Variants in SF3B1 observed in about 807,000 individuals in gnomAD.
The protein encoded by SF3B1 is pre-mRNA processing 10.
Under a neutral mutation model 153.8 loss-of-function variants are expected in SF3B1, and 12 were observed. The observed-to-expected ratio is 0.08, with a 90% confidence interval of 0.05 to 0.13. The LOEUF is 0.13. Ranked by LOEUF, SF3B1 falls within the 10% of genes least tolerant of loss-of-function variation. SF3B1 has a pLI of 1.00. For missense variants in SF3B1, 513 were observed against 1,606.1 expected (o/e 0.32, Z 11.63); for synonymous variants, 498 against 525.2 (o/e 0.95, Z 0.71).
intron 21 of SF3B1, 105 bp from the exon 22 acceptor site, chr2:197,398,221 T>A: frequency 9.9e-7 from 1 of 1,009,640 alleles, no homozygotes; most frequent in Non-Finnish European, 1.5e-6. Flanking sequence ...TTTTAAGCAT[T>A]AAATAAAACT....
intron 9 of SF3B1, 94 bp downstream of exon 9, chr2:197,407,904 T>A: frequency 2.8e-6 from 3 of 1,085,090 alleles, no homozygotes; most frequent in South Asian, 2.9e-5. Flanking sequence ...AATAGTAAAT[T>A]TGGGCAAAGC....
chr2:197,427,836 T>C (rs766812232), intron 1 of SF3B1, among the ~76,000 whole-genome samples: 6 of 151,942 alleles, frequency 3.9e-5, no homozygotes, highest in Non-Finnish European at 8.8e-5. Context: ...CTGGCCAAGA[T>C]GGTGAAACCC....
At chr2:197,424,133 C>T (rs1219057445) in intron 1 of SF3B1, among the ~76,000 whole-genome samples, 159 bp from the exon 2 acceptor site, 1 of 152,176 alleles carries the variant, frequency 6.6e-6, no homozygotes, top group Non-Finnish European at 1.5e-5. Context: ...ACAGCGTAAG[C>T]AAGCTCTAGA....
At chr2:197,419,593 GTTGAAC>G (rs2085208350) in intron 4 of SF3B1, 1 of 224,366 alleles carries the variant, frequency 4.5e-6, no homozygotes, top group African/African-American at 2.2e-5. Flanking sequence ...GAGAGGATGT[GTTGAAC>G]TGCACCCTTA....
intron 1 of SF3B1, among the ~76,000 whole-genome samples, chr2:197,429,499 G>C (rs1160906627): frequency 1.3e-5 from 2 of 152,036 alleles, no homozygotes; most frequent in African/African-American, 4.8e-5. Context: ...ATAACACTAA[G>C]GCAGGCCGGC....
At chr2:197,423,780 T>G in intron 2 of SF3B1, 28 bp downstream of exon 2, 1 of 1,603,406 alleles carries the variant, frequency 6.2e-7, no homozygotes, top group Non-Finnish European at 8.5e-7. Context: ...AAAAAATAAC[T>G]GCCTCTTGTA....
chr2:197,435,021 A>C lies in SF3B1; in HGVS notation c.-22T>G. The C allele has an allele frequency of 1.9e-6, 3 of 1,614,252 alleles. No individual in the cohort carries two copies. Among genetic ancestry groups the C allele is most frequent in the Non-Finnish European group, 1.7e-6 (2 of 1,180,040 alleles). On this transcript the variant is annotated 5_prime_UTR_variant, in exon 1 of 25. Transcript: ENST00000335508. ...CCATTTTGTCCACTCGAACACACAGACGGAACTGGCGCTCCCAAGAACTTC... is the reference window on the plus strand; with the variant it reads ...CCATTTTGTCCACTCGAACACACAGCCGGAACTGGCGCTCCCAAGAACTTC...
At chr2:197,397,791 C>T (rs1236762791) in intron 22 of SF3B1, among the ~76,000 whole-genome samples, 194 bp downstream of exon 22, 1 of 147,942 alleles carries the variant, frequency 6.8e-6, no homozygotes, top group Non-Finnish European at 1.5e-5. Context: ...AGCGAGACTC[C>T]GTCTCAAAAA....
rs2084820035 is a variant in SF3B1, at chr2:197,392,463, TA to T, written c.3757-3del. On this transcript the variant is annotated splice_polypyrimidine_tract_variant and splice_region_variant and intron_variant, in intron 24 of 24. Coordinates refer to ENST00000335508, the MANE Select transcript of SF3B1 (RefSeq NM_012433.4). ...TTTCCGGGCTGGGTGAAACAGACCCTAAAATAATTGAACGGTTACATTATTT... is the reference window on the plus strand; with the variant it reads ...TTTCCGGGCTGGGTGAAACAGACCCTAAATAATTGAACGGTTACATTATTT... 2.8e-6 allele frequency: 4 copies of T among 1,452,982 alleles called. No homozygotes were observed. The highest frequency in any genetic ancestry group is 1.9e-5 in the Admixed American group (1 of 53,016). 90.0% of individuals were successfully genotyped at this position (1,452,982 alleles called of 1,614,324 possible). A position where few individuals can be genotyped will look rare whatever the true frequency, so the allele number is the denominator to read the frequency against.
In SF3B1 at chr2:197,406,753, T is replaced by C. The variant is rs183631848; in HGVS notation, c.1239+1245A>G. On this transcript the variant is annotated intron_variant, in intron 9 of 24. Coordinates refer to ENST00000335508, the MANE Select transcript of SF3B1 (RefSeq NM_012433.4). The stretch of plus-strand genomic sequence containing the variant: ...CAAAAAGCTTTAAGGCAAAACTTCA[T>C]GCAAACTTGAAACAAATACTCTAAC... Among the ~76,000 whole-genome samples the C allele has an allele frequency of 4.1e-4, 63 of 152,262 alleles. 1 individual carries two copies. The East Asian group carries it at 0.011, about 26-fold the overall frequency.
intron 23 of SF3B1, among the ~76,000 whole-genome samples, chr2:197,393,826 A>C (rs2084842915): frequency 1.3e-5 from 2 of 152,158 alleles, no homozygotes; most frequent in African/African-American, 2.4e-5. Context: ...ACTAAAGAGG[A>C]GGCATGTGGT....
At chr2:197,414,883 A>G (rs987977041) in intron 6 of SF3B1, among the ~76,000 whole-genome samples, 1 of 152,092 alleles carries the variant, frequency 6.6e-6, no homozygotes, top group Non-Finnish European at 1.5e-5. Context: ...ACGTGTCTAT[A>G]GTCCCATCTA....
At chr2:197,417,575 TAAAAAAA>T (rs56204414) in intron 5 of SF3B1, among the ~76,000 whole-genome samples, 104 of 99,814 alleles carry the variant, frequency 1.0e-3, no homozygotes, top group African/African-American at 3.8e-3. Context: ...CCACCTCTAC[TAAAAAAA>T]AAAAAAAAAA....
Position 197,399,960 on chromosome 2 carries a change from C to G in SF3B1, c.3013+95G>C, listed in dbSNP as rs545335462. ...AGTGCTTTTAAAAAGCTAACAAAAACCTCCCAACTCCTAAATAAGATTTTA... is the reference window on the plus strand; with the variant it reads ...AGTGCTTTTAAAAAGCTAACAAAAAGCTCCCAACTCCTAAATAAGATTTTA... On this transcript the variant is annotated intron_variant, in intron 20 of 24. Coordinates refer to ENST00000335508, the MANE Select transcript of SF3B1 (RefSeq NM_012433.4). 49 of 832,034 alleles carry G rather than the reference C, an allele frequency of 5.9e-5. 1 individual carries two copies. In the Admixed American group the frequency reaches 1.1e-3, roughly 18 times the overall value. 51.5% of individuals were successfully genotyped at this position (832,034 alleles called of 1,614,324 possible). A position where few individuals can be genotyped will look rare whatever the true frequency, so the allele number is the denominator to read the frequency against.
At chr2:197,425,741 T>C (rs1301835891) in intron 1 of SF3B1, among the ~76,000 whole-genome samples, 3 of 151,638 alleles carry the variant, frequency 2.0e-5, no homozygotes, top group Non-Finnish European at 4.4e-5. Context: ...AGCTCACGCA[T>C]GTCATCCAAA....
At chr2:197,406,065 G>GA (rs1421993174) in intron 9 of SF3B1, among the ~76,000 whole-genome samples, 1 of 136,140 alleles carries the variant, frequency 7.3e-6, no homozygotes, top group African/African-American at 2.7e-5. Context: ...AATGCAGGCT[G>GA]AAAATCACAA....
intron 1 of SF3B1, among the ~76,000 whole-genome samples, chr2:197,431,395 T>C (rs971576242): frequency 1.2e-4 from 18 of 152,144 alleles, no homozygotes; most frequent in African/African-American, 4.1e-4. Flanking sequence ...GCTGGGATTA[T>C]AGGTGTGAGA....
At chr2:197,404,400 T>G (rs1361589021) in intron 11 of SF3B1, among the ~76,000 whole-genome samples, 2 of 152,094 alleles carry the variant, frequency 1.3e-5, no homozygotes, top group African/African-American at 4.8e-5. Flanking sequence ...GCCAACATGG[T>G]GAAACCCCGT....
chr2:197,406,293 G>A (rs1015328214), intron 9 of SF3B1, among the ~76,000 whole-genome samples: 5 of 151,640 alleles, frequency 3.3e-5, no homozygotes, highest in Admixed American at 1.3e-4. Context: ...TCTTGGAGAG[G>A]TCAATAAACC....
Sources: gnomAD v4.1 joint callset for allele counts (sites outside exome capture counted in the v4.1 genomes callset) on GRCh38, gnomAD v4.1.1 for gene constraint, MANE v1.5 for transcripts, NCBI Gene and HGNC (gene_info 2026-07-23, HGNC 2026-07-21) for gene names.